TTLL5: variants seen among roughly 807,000 people sequenced by gnomAD.
TTLL5 encodes the protein tubulin tyrosine ligase like 5, also known as tubulin polyglutamylase TTLL5.
A neutral mutation model predicts 168.4 loss-of-function variants in TTLL5; 132 were observed. The ratio of observed to expected loss-of-function variants is 0.78; its 90% CI spans 0.68 to 0.91. The LOEUF is 0.91. Ranked by LOEUF, TTLL5 falls within the 40% of genes least tolerant of loss-of-function variation. The pLI is 0.00. For missense variants in TTLL5, 1,545 were observed against 1,581.5 expected (o/e 0.98, Z 0.39); for synonymous variants, 546 against 558.6 (o/e 0.98, Z 0.32).
intron 31 of TTLL5, among the ~76,000 whole-genome samples, chr14:75,912,866 GATAAA>G (rs1303170537): frequency 6.6e-6 from 1 of 152,212 alleles, no homozygotes; most frequent in African/African-American, 2.4e-5. Flanking sequence ...ACTGTGCAAA[GATAAA>G]ATATTATAGT....
intron 3 of TTLL5, among the ~76,000 whole-genome samples, chr14:75,676,024 A>G (rs1416255486): frequency 6.6e-6 from 1 of 152,208 alleles, no homozygotes; most frequent in East Asian, 1.9e-4. Context: ...CCTGAGAACC[A>G]GGAGTGTCGA....
intron 31 of TTLL5, among the ~76,000 whole-genome samples, chr14:75,907,520 G>A (rs574008375): frequency 2.0e-5 from 3 of 152,302 alleles, no homozygotes; most frequent in South Asian, 4.1e-4. Flanking sequence ...TTTGAGAAAC[G>A]TTATTCATCA....
In TTLL5 at chr14:75,785,466, A is replaced by C. The variant is rs137921859; in HGVS notation, c.2986+1936A>C. Among the ~76,000 whole-genome samples, 812 of 152,270 alleles carry C rather than the reference A, an allele frequency of 5.3e-3. 8 individuals carry two copies. The highest frequency in any genetic ancestry group is 0.038 in the South Asian group (182 of 4,828). On this transcript the variant is annotated intron_variant, in intron 26 of 31. Transcript: ENST00000298832. ...AGTGCTGGGATTACAGGCGTGAGCC[A>C]CTGCGCCCGGCCCCTCCTATGTTTT...
At chr14:75,715,963 G>T (rs368951116) in intron 9 of TTLL5, among the ~76,000 whole-genome samples, 4 of 152,262 alleles carry the variant, frequency 2.6e-5, no homozygotes, top group Admixed American at 6.5e-5. Context: ...GAGATGAAAA[G>T]CCTCTTTTTC....
intron 31 of TTLL5, among the ~76,000 whole-genome samples, chr14:75,933,759 T>G (rs117463727): frequency 6.6e-6 from 1 of 152,240 alleles, no homozygotes; most frequent in Admixed American, 6.5e-5. Flanking sequence ...TATGTAGAGA[T>G]AGCTCTTTTA....
chr14:75,920,702 TA>T (rs1302040268), intron 31 of TTLL5, among the ~76,000 whole-genome samples: 1 of 152,234 alleles, frequency 6.6e-6, no homozygotes. Flanking sequence ...AGTGCTGCAG[TA>T]AACATACAAG....
chr14:75,772,907 T>A (rs959206570), intron 21 of TTLL5, among the ~76,000 whole-genome samples: 1 of 152,194 alleles, frequency 6.6e-6, no homozygotes, highest in Non-Finnish European at 1.5e-5. Flanking sequence ...TCTCAGGTGA[T>A]CCACCCTCCT....
rs1566598240 is a variant in TTLL5 at position 75,773,965 on chromosome 14, G to GAA, written c.2137-1518_2137-1517insAA. ...AGAGAGAGAGAGAGAGAAAGAGAGAGAGAGAGAGAGAGAGAGAGAGAGAGA... is the reference window on the plus strand; with the variant it reads ...AGAGAGAGAGAGAGAGAAAGAGAGAGAAAGAGAGAGAGAGAGAGAGAGAGAGA... On this transcript the variant is annotated intron_variant, in intron 21 of 31. Transcript: ENST00000298832. Among the ~76,000 whole-genome samples, 454 of 48,786 alleles carry GAA rather than the reference G, an allele frequency of 9.3e-3. 10 individuals carry two copies. The highest frequency in any genetic ancestry group is 0.025 in the African/African-American group (417 of 16,726). The allele number at this position is 48,786 out of a possible 152,430, so 32.0% of individuals were successfully genotyped here. A position where few individuals can be genotyped will look rare whatever the true frequency, so the allele number is the denominator to read the frequency against.
At chr14:75,707,182 T>C in intron 8 of TTLL5, 95 bp downstream of exon 8, 1 of 956,216 alleles carries the variant, frequency 1.0e-6, no homozygotes, top group Non-Finnish European at 1.6e-6. Context: ...TTTATTATAC[T>C]GTTGTGAAAT....
At chr14:75,947,515 G>A (rs908523301) in intron 31 of TTLL5, among the ~76,000 whole-genome samples, 1 of 151,994 alleles carries the variant, frequency 6.6e-6, no homozygotes, top group African/African-American at 2.4e-5. Flanking sequence ...ACATATTTAT[G>A]AAAAGTACAT....
rs114186496 is a variant in TTLL5 at position 75,946,017 on chromosome 14, A to G, written c.3824-8407A>G. Among the ~76,000 whole-genome samples, 854 of 152,358 alleles carry G rather than the reference A, an allele frequency of 5.6e-3. 14 individuals carry two copies. The highest frequency in any genetic ancestry group is 0.027 in the South Asian group (129 of 4,832). ...AAATATCTTTCATGAATGAGGATGA[A>G]ACACATTTTCCAACACATAACACGC... On this transcript the variant is annotated intron_variant, in intron 31 of 31. Transcript: ENST00000298832.
intron 15 of TTLL5, among the ~76,000 whole-genome samples, chr14:75,739,599 G>A (rs565198313): frequency 3.3e-5 from 5 of 152,204 alleles, no homozygotes; most frequent in Non-Finnish European, 7.4e-5. Context: ...TGTATGGCAT[G>A]GTACTGTGGA....
intron 31 of TTLL5, chr14:75,906,777 A>C (rs1595245797): frequency 6.3e-6 from 6 of 954,762 alleles, no homozygotes; most frequent in Non-Finnish European, 7.5e-6. Context: ...CTAGCTTCTC[A>C]AAATGACAGT....
intron 17 of TTLL5, among the ~76,000 whole-genome samples, chr14:75,751,312 T>G (rs986117036): frequency 6.6e-6 from 1 of 152,220 alleles, no homozygotes; most frequent in African/African-American, 2.4e-5. Flanking sequence ...TTCTTTTTCC[T>G]TAAGTCAAGA....
At chr14:75,771,993 C>T (rs1338468107) in intron 21 of TTLL5, 139 bp downstream of exon 21, 6 of 955,468 alleles carry the variant, frequency 6.3e-6, no homozygotes, top group Non-Finnish European at 8.9e-6. Context: ...TTTTAGATTT[C>T]TTATAAATCT....
At chr14:75,692,457 T>C (rs1299156610) in intron 6 of TTLL5, among the ~76,000 whole-genome samples, 1 of 152,216 alleles carries the variant, frequency 6.6e-6, no homozygotes, top group Non-Finnish European at 1.5e-5. Context: ...TTAATATTAT[T>C]ATGTTCTGGC....
intron 28 of TTLL5, among the ~76,000 whole-genome samples, chr14:75,831,141 A>G (rs1895537689): frequency 6.6e-6 from 1 of 152,216 alleles, no homozygotes; most frequent in African/African-American, 2.4e-5. Flanking sequence ...GACCCAGAAG[A>G]TGTAATAAAG....
At chr14:75,843,946 T>A (rs540562250) in intron 28 of TTLL5, among the ~76,000 whole-genome samples, 1 of 149,490 alleles carries the variant, frequency 6.7e-6, no homozygotes, top group South Asian at 2.1e-4. Context: ...CAGGCTGGAG[T>A]GCAGTGGCAT....
intron 29 of TTLL5, among the ~76,000 whole-genome samples, chr14:75,879,410 T>C (rs969110627): frequency 6.6e-6 from 1 of 152,230 alleles, no homozygotes; most frequent in Non-Finnish European, 1.5e-5. Flanking sequence ...TGGACTTCGC[T>C]GTCATCCCAT....
Sources: gnomAD v4.1 joint callset for allele counts (sites outside exome capture counted in the v4.1 genomes callset) on GRCh38, gnomAD v4.1.1 for gene constraint, MANE v1.5 for transcripts, NCBI Gene and HGNC (gene_info 2026-07-23, HGNC 2026-07-21) for gene names.